PALM2AKAP2: variants seen among roughly 807,000 people sequenced by gnomAD.
PALM2AKAP2 encodes PALM2 and AKAP2 fusion, also known as PALM2-AKAP2 fusion protein.
PALM2AKAP2 carries 37 observed loss-of-function variants against 71.5 expected under a neutral mutation model. That is an observed-to-expected ratio of 0.52 (90% CI 0.40 to 0.68). The LOEUF is 0.68. Among genes scored for constraint, PALM2AKAP2 ranks in the 30% least tolerant of loss-of-function variants. PALM2AKAP2 has a pLI of 0.00. For missense variants in PALM2AKAP2, 1,224 were observed against 1,191.8 expected (o/e 1.03, Z -0.40); for synonymous variants, 468 against 478.8 (o/e 0.98, Z 0.29).
chr9:110,125,110 C>T (rs1835567906), intron 1 of PALM2AKAP2, among the ~76,000 whole-genome samples: 1 of 152,182 alleles, frequency 6.6e-6, no homozygotes, highest in Non-Finnish European at 1.5e-5. Flanking sequence ...CAAGCACACA[C>T]CACAGGCTGT....
intron 6 of PALM2AKAP2, among the ~76,000 whole-genome samples, chr9:109,949,139 C>T (rs1202943919): frequency 6.6e-6 from 1 of 152,224 alleles, no homozygotes; most frequent in Non-Finnish European, 1.5e-5. Flanking sequence ...TGCCCGTCTA[C>T]CAACCAAACA....
At chr9:109,685,608 C>A (rs889769181) in intron 1 of PALM2AKAP2, among the ~76,000 whole-genome samples, 1 of 152,104 alleles carries the variant, frequency 6.6e-6, no homozygotes, top group African/African-American at 2.4e-5. Flanking sequence ...CATATATATA[C>A]CTTAATTTAA....
At chr9:109,815,335 C>A (rs977535082) in intron 1 of PALM2AKAP2, among the ~76,000 whole-genome samples, 5 of 152,102 alleles carry the variant, frequency 3.3e-5, no homozygotes, top group African/African-American at 1.2e-4. Flanking sequence ...TGTGAGATGC[C>A]TGATAGGAAA....
chr9:109,761,329 G>T (rs1052154601), intron 1 of PALM2AKAP2, among the ~76,000 whole-genome samples: 2 of 152,138 alleles, frequency 1.3e-5, no homozygotes, highest in Non-Finnish European at 2.9e-5. Context: ...TTACTTTGTG[G>T]ATTGTTGTAA....
chr9:109,728,577 C>A (rs1828509047), intron 1 of PALM2AKAP2, among the ~76,000 whole-genome samples: 2 of 152,248 alleles, frequency 1.3e-5, no homozygotes, highest in African/African-American at 4.8e-5. Flanking sequence ...CAACCCTTTT[C>A]ACTTAAGCTT....
At chr9:109,943,095 G>A (rs762629274) in intron 6 of PALM2AKAP2, 52 of 1,614,090 alleles carry the variant, frequency 3.2e-5, no homozygotes, top group Middle Eastern at 3.3e-4. Context: ...CTGCAGGGCC[G>A]GAGGCAAACT....
intron 3 of PALM2AKAP2, among the ~76,000 whole-genome samples, chr9:109,894,165 C>G (rs13299687): frequency 0.11 from 16,073 of 152,036 alleles, 1,056 homozygotes; most frequent in East Asian, 0.22. Flanking sequence ...GATGAAACCC[C>G]GTCTCTACTA....
intron 1 of PALM2AKAP2, among the ~76,000 whole-genome samples, chr9:109,826,399 T>G (rs983565453): frequency 1.5e-4 from 23 of 152,144 alleles, no homozygotes; most frequent in Non-Finnish European, 1.5e-4. Context: ...AATACAGTTT[T>G]GTTTTGTATC....
chr9:109,763,749 C>G (rs1157245510), intron 1 of PALM2AKAP2, among the ~76,000 whole-genome samples: 1 of 152,098 alleles, frequency 6.6e-6, no homozygotes, highest in Non-Finnish European at 1.5e-5. Context: ...GCTGGAATTT[C>G]AGAGATGCAT....
intron 1 of PALM2AKAP2, among the ~76,000 whole-genome samples, chr9:110,132,042 T>C (rs977888815): frequency 7.7e-6 from 1 of 130,518 alleles, no homozygotes; most frequent in African/African-American, 3.7e-5. Flanking sequence ...CGTGTGTGTG[T>C]GTGTGTGTGT....
intron 1 of PALM2AKAP2, among the ~76,000 whole-genome samples, chr9:110,089,648 C>T (rs1460875971): frequency 6.6e-6 from 1 of 152,188 alleles, no homozygotes; most frequent in East Asian, 1.9e-4. Flanking sequence ...ATGCCATTAC[C>T]AGGAACGGCT....
At chr9:110,011,147 G>A (rs1832879949) in intron 6 of PALM2AKAP2, among the ~76,000 whole-genome samples, 1 of 144,080 alleles carries the variant, frequency 6.9e-6, no homozygotes, top group Non-Finnish European at 1.5e-5. Context: ...TATATATGTG[G>A]AGAATATGTG....
chr9:110,152,610 A>G (rs1211550825), intron 2 of PALM2AKAP2, among the ~76,000 whole-genome samples: 1 of 152,226 alleles, frequency 6.6e-6, no homozygotes, highest in Admixed American at 6.5e-5. Flanking sequence ...CATTCATTTA[A>G]TGATCTTCAA....
intron 1 of PALM2AKAP2, among the ~76,000 whole-genome samples, chr9:110,132,718 C>T (rs181561007): frequency 4.0e-5 from 6 of 151,872 alleles, no homozygotes; most frequent in Non-Finnish European, 7.4e-5. Flanking sequence ...CAGGTTGAAG[C>T]GATTCTCATG....
chr9:110,090,390 A>G (rs1834678954), intron 1 of PALM2AKAP2: 1 of 456,596 alleles, frequency 2.2e-6, no homozygotes, highest in African/African-American at 2.0e-5. Flanking sequence ...CATGATTGCC[A>G]CCTGGATGCT....
At chr9:109,807,536 G>A (rs1455566770) in intron 1 of PALM2AKAP2, among the ~76,000 whole-genome samples, 20 of 151,314 alleles carry the variant, frequency 1.3e-4, no homozygotes, top group Non-Finnish European at 1.5e-5. Flanking sequence ...CATGGTGGAA[G>A]GGGCAAGGCA....
intron 3 of PALM2AKAP2, among the ~76,000 whole-genome samples, chr9:109,908,808 G>T (rs1223288552): frequency 6.7e-6 from 1 of 150,116 alleles, no homozygotes; most frequent in Non-Finnish European, 1.5e-5. Flanking sequence ...GGATGCGTGT[G>T]CACACACACA....
chr9:110,136,239 TG>T lies in PALM2AKAP2; in HGVS notation c.271del (p.Glu91LysfsTer55). 1 of 1,614,138 alleles carries T rather than the reference TG, an allele frequency of 6.2e-7. No homozygotes were observed. The highest frequency in any genetic ancestry group is 2.2e-5 in the East Asian group (1 of 44,876). On this transcript the variant is annotated frameshift_variant, in exon 2 of 4. Transcript: ENST00000374525. LOFTEE classifies it high-confidence loss of function. The stretch of plus-strand genomic sequence containing the variant: ...TCTCTTTCCCCAGATCACAAAAACA[TG>T]GAAATTGAGGTGTCTGTTGCAGAAT...
At chr9:109,873,782 A>G (rs1829659299) in intron 2 of PALM2AKAP2, among the ~76,000 whole-genome samples, 1 of 152,100 alleles carries the variant, frequency 6.6e-6, no homozygotes, top group Admixed American at 6.6e-5. Context: ...TTCACCTCCT[A>G]CTTCCCCAAT....
Sources: gnomAD v4.1 joint callset for allele counts (sites outside exome capture counted in the v4.1 genomes callset) on GRCh38, gnomAD v4.1.1 for gene constraint, MANE v1.5 for transcripts, NCBI Gene and HGNC (gene_info 2026-07-23, HGNC 2026-07-21) for gene names.